Variants in STAG1 observed in about 807,000 individuals in gnomAD.
STAG1 encodes STAG1 cohesin complex component, also known as cohesin subunit SA-1.
Under a neutral mutation model 170.9 loss-of-function variants are expected in STAG1, and 26 were observed. The ratio of observed to expected loss-of-function variants is 0.15; its 90% confidence interval spans 0.11 to 0.21. The LOEUF is 0.21. STAG1 is among the 10% of genes least tolerant of loss of function. The pLI is 1.00. For synonymous variants in STAG1, 514 were observed against 497.7 expected (o/e 1.03, Z -0.44); for missense variants, 964 against 1,509.5 (o/e 0.64, Z 5.99).
At chr3:136,624,264 AATTTTTTTTGC>A (rs1054519020) in intron 2 of STAG1, among the ~76,000 whole-genome samples, 6 of 151,868 alleles carry the variant, frequency 4.0e-5, no homozygotes, top group Non-Finnish European at 7.4e-5. Flanking sequence ...AGGCCCGGCT[AATTTTTTTTGC>A]ATTTTTAGTA....
intron 7 of STAG1, among the ~76,000 whole-genome samples, chr3:136,520,072 G>T (rs1252636548): frequency 2.0e-5 from 3 of 151,902 alleles, no homozygotes; most frequent in Non-Finnish European, 4.4e-5. Context: ...AATGAGAATT[G>T]GGAAAAAAAG....
chr3:136,380,122 A>C (rs141554230), intron 22 of STAG1, among the ~76,000 whole-genome samples: 144 of 152,308 alleles, frequency 9.5e-4, no homozygotes, highest in African/African-American at 3.5e-3. Context: ...GAAAACTGAT[A>C]CTCACAGCAC....
At chr3:136,430,122 G>A (rs1559796592) in intron 16 of STAG1, 1 of 152,054 alleles carries the variant, frequency 6.6e-6, no homozygotes, top group Admixed American at 6.6e-5. Context: ...CCTTGCAAAG[G>A]GGCCATGCTC....
intron 10 of STAG1, among the ~76,000 whole-genome samples, chr3:136,474,469 AT>A (rs769053054): frequency 2.0e-5 from 3 of 152,230 alleles, no homozygotes; most frequent in African/African-American, 4.8e-5. Flanking sequence ...GTGCAGAGAT[AT>A]GCTGGTAAAA....
chr3:136,363,322 A>C, intron 26 of STAG1, 44 bp downstream of exon 26: 3 of 1,019,304 alleles, frequency 2.9e-6, no homozygotes, highest in Non-Finnish European at 4.6e-6. Context: ...GAAGTGCAAT[A>C]ATGTTATTTC....
intron 1 of STAG1, among the ~76,000 whole-genome samples, chr3:136,691,022 G>T (rs750623711): frequency 4.6e-5 from 7 of 151,774 alleles, no homozygotes; most frequent in African/African-American, 7.3e-5. Flanking sequence ...AGTTGGCTGG[G>T]CATGGTGGCT....
At chr3:136,466,888 A>C (rs1302509030) in intron 12 of STAG1, among the ~76,000 whole-genome samples, 1 of 152,248 alleles carries the variant, frequency 6.6e-6, no homozygotes, top group Non-Finnish European at 1.5e-5. Flanking sequence ...CCAGAATTTC[A>C]TATGCAGCCA....
At chr3:136,403,930 T>TA (rs2087409104) in intron 21 of STAG1, among the ~76,000 whole-genome samples, 2 of 152,218 alleles carry the variant, frequency 1.3e-5, no homozygotes, top group Admixed American at 1.3e-4. Flanking sequence ...TACCTTAAAA[T>TA]AAAAAGCTTG....
At chr3:136,435,202 C>T (rs958734201) in intron 15 of STAG1, among the ~76,000 whole-genome samples, 1 of 152,162 alleles carries the variant, frequency 6.6e-6, no homozygotes, top group African/African-American at 2.4e-5. Context: ...ACGCTAATAG[C>T]AATTCATTTA....
At chr3:136,478,668 G>A (rs975944002) in intron 9 of STAG1, among the ~76,000 whole-genome samples, 3 of 152,058 alleles carry the variant, frequency 2.0e-5, no homozygotes, top group Non-Finnish European at 2.9e-5. Flanking sequence ...GCTCTAATAA[G>A]TCTCAGTTCT....
chr3:136,451,429 T>C (rs1420729772), intron 14 of STAG1, among the ~76,000 whole-genome samples: 1 of 152,042 alleles, frequency 6.6e-6, no homozygotes, highest in Non-Finnish European at 1.5e-5. Context: ...TTTAATGTAA[T>C]GTAAAAGCTA....
At chr3:136,606,915 CTTTT>C (rs1253160437) in intron 3 of STAG1, among the ~76,000 whole-genome samples, 2 of 151,412 alleles carry the variant, frequency 1.3e-5, no homozygotes, top group Non-Finnish European at 2.9e-5. Flanking sequence ...CCCCGGCTAA[CTTTT>C]TTTTGTATTT....
intron 1 of STAG1, among the ~76,000 whole-genome samples, chr3:136,658,248 T>C (rs1392865174): frequency 6.6e-6 from 1 of 151,934 alleles, no homozygotes; most frequent in African/African-American, 2.4e-5. Context: ...TTAACGAACT[T>C]ACAGATTTTG....
At chr3:136,376,004 A>G (rs61789637) in intron 23 of STAG1, among the ~76,000 whole-genome samples, 1 of 139,158 alleles carries the variant, frequency 7.2e-6, no homozygotes, top group African/African-American at 2.8e-5. Flanking sequence ...AAATAAATAA[A>G]TAAATAATTA....
At chr3:136,368,004 A>G (rs1350559599) in intron 24 of STAG1, among the ~76,000 whole-genome samples, 3 of 152,062 alleles carry the variant, frequency 2.0e-5, no homozygotes, top group Admixed American at 1.3e-4. Flanking sequence ...TCTCTCCCTT[A>G]TATGTATAGA....
At chr3:136,532,117 A>G (rs1935405087) in intron 6 of STAG1, among the ~76,000 whole-genome samples, 1 of 152,170 alleles carries the variant, frequency 6.6e-6, no homozygotes, top group Non-Finnish European at 1.5e-5. Context: ...CTAGATTAAC[A>G]AAGACCCAAA....
chr3:136,697,186 CTT>C (rs1942919127), intron 1 of STAG1, among the ~76,000 whole-genome samples: 1 of 152,158 alleles, frequency 6.6e-6, no homozygotes, highest in South Asian at 2.1e-4. Flanking sequence ...ATTTTCCACA[CTT>C]AACATTTTTT....
At chr3:136,703,619 T>A (rs976440303) in intron 1 of STAG1, among the ~76,000 whole-genome samples, 21 of 152,172 alleles carry the variant, frequency 1.4e-4, no homozygotes, top group Non-Finnish European at 2.9e-5. Flanking sequence ...TAACAGAACA[T>A]AGGCTTCAGT....
At chr3:136,581,795 A>T (rs1937595901) in intron 4 of STAG1, among the ~76,000 whole-genome samples, 1 of 152,190 alleles carries the variant, frequency 6.6e-6, no homozygotes, top group African/African-American at 2.4e-5. Flanking sequence ...GGAATACCAT[A>T]TATTAAAAAT....
Sources: gnomAD v4.1 joint callset for allele counts (sites outside exome capture counted in the v4.1 genomes callset) on GRCh38, gnomAD v4.1.1 for gene constraint, MANE v1.5 for transcripts, NCBI Gene and HGNC (gene_info 2026-07-23, HGNC 2026-07-21) for gene names.